Variants in PACRG observed in about 807,000 individuals in gnomAD.
PACRG encodes parkin coregulated gene protein.
In PACRG, 29 loss-of-function variants were observed where a neutral mutation model predicts 29.7. That is an observed-to-expected ratio of 0.98 (90% confidence interval 0.73 to 1.33). PACRG has a LOEUF of 1.33. PACRG is among the 40% of genes most tolerant of loss of function. The pLI is 0.00. For synonymous variants in PACRG, 116 were observed against 118.7 expected (o/e 0.98, Z 0.15); for missense variants, 279 against 316.2 (o/e 0.88, Z 0.89).
intron 2 of PACRG, among the ~76,000 whole-genome samples, chr6:162,851,848 CA>C (rs1200572958): frequency 6.6e-6 from 1 of 151,602 alleles, no homozygotes; most frequent in East Asian, 1.9e-4. Context: ...ACATAGACAC[CA>C]CTTTGAAATG....
intron 2 of PACRG, among the ~76,000 whole-genome samples, chr6:163,033,506 A>G (rs1807860938): frequency 6.6e-6 from 1 of 152,202 alleles, no homozygotes; most frequent in South Asian, 2.1e-4. Context: ...AATCTTTAAA[A>G]CTCTATTTCC....
intron 4 of PACRG, among the ~76,000 whole-genome samples, chr6:163,294,274 A>T (rs1784713652): frequency 6.6e-6 from 1 of 152,178 alleles, no homozygotes; most frequent in Admixed American, 6.5e-5. Flanking sequence ...AATTGCAGGG[A>T]AGTAAAACAA....
chr6:163,218,771 C>T (rs568014985), intron 4 of PACRG, among the ~76,000 whole-genome samples: 1 of 152,332 alleles, frequency 6.6e-6, no homozygotes, highest in Non-Finnish European at 1.5e-5. Flanking sequence ...AGGGGCAGGG[C>T]TCGGGCTACC....
In PACRG at chr6:163,202,595, A is replaced by G. The variant is rs999296332; in HGVS notation, c.614-112232A>G. 5.9e-5 allele frequency among the ~76,000 whole-genome samples: 9 copies of G among 152,316 alleles called. No individual in the cohort carries two copies. The South Asian group carries it at 1.4e-3, about 25-fold the overall frequency. ...AATATTCAGGATTCTCTGTTCTCAG[A>G]GTTCAAAGAGAAGTAGTTGTAACGA... On this transcript the variant is annotated intron_variant, in intron 4 of 4. Coordinates refer to ENST00000366888, the MANE Select transcript of PACRG (RefSeq NM_001080379.2).
At position 162,770,953 on chromosome 6, in the gene PACRG, G is replaced by T. The variant is rs181173184; in HGVS notation, c.156+42562G>T. On this transcript the variant is annotated intron_variant, in intron 1 of 4. Transcript: ENST00000366888. ...TTTGTTGTCACGGTTTTATATAAGG[G>T]ATTTTTTTTAGTTCTAGGGGACAAT... 2.8e-4 allele frequency among the ~76,000 whole-genome samples: 42 copies of T among 152,084 alleles called. No homozygotes were observed. The East Asian group carries it at 7.9e-3, about 29-fold the overall frequency.
At chr6:163,300,125 C>T (rs910800827) in intron 4 of PACRG, among the ~76,000 whole-genome samples, 10 of 152,210 alleles carry the variant, frequency 6.6e-5, no homozygotes, top group Admixed American at 2.0e-4. Flanking sequence ...GCCCTTTACC[C>T]AGGTCTCCAT....
intron 2 of PACRG, among the ~76,000 whole-genome samples, chr6:162,911,962 C>T (rs1162917341): frequency 3.3e-5 from 5 of 152,162 alleles, no homozygotes; most frequent in Non-Finnish European, 5.9e-5. Context: ...TTCCTCTTTC[C>T]AGTCTCTCCT....
In PACRG at chr6:162,853,231, G is replaced by A. The variant is rs1203142930; in HGVS notation, c.291+38950G>A. 6.6e-6 allele frequency among the ~76,000 whole-genome samples: 1 copy of A among 152,218 alleles called. No individual in the cohort carries two copies. The highest frequency in any genetic ancestry group is 1.9e-4 in the East Asian group (1 of 5,186). On this transcript the variant is annotated intron_variant, in intron 2 of 4. Coordinates refer to ENST00000366888, the MANE Select transcript of PACRG (RefSeq NM_001080379.2). This position sits in a 1 kb window ranked among gnomAD's most constrained non-coding sequence, Gnocchi z 4.7. ...ACTCCTTAAAATTATTTGCATTTGG[G>A]TGCTCCTTGGAAAGCCTTTGTATGC...
intron 4 of PACRG, among the ~76,000 whole-genome samples, chr6:163,180,976 A>C (rs964266000): frequency 1.3e-4 from 20 of 152,192 alleles, no homozygotes; most frequent in African/African-American, 4.8e-4. Flanking sequence ...AGTCACTCAG[A>C]TTGCAAATGA....
chr6:163,140,219 C>T (rs1305611341), intron 4 of PACRG, among the ~76,000 whole-genome samples: 1 of 152,198 alleles, frequency 6.6e-6, no homozygotes, highest in African/African-American at 2.4e-5. Context: ...GAAGTCAGAC[C>T]TGGGCTCAGA....
At chr6:162,888,772 T>G (rs1794547981) in intron 2 of PACRG, among the ~76,000 whole-genome samples, 1 of 152,120 alleles carries the variant, frequency 6.6e-6, no homozygotes, top group South Asian at 2.1e-4. Context: ...AACCTTCCTC[T>G]TTGGAAAACC....
chr6:163,077,768 T>C (rs1403853071), intron 3 of PACRG, among the ~76,000 whole-genome samples: 2 of 152,220 alleles, frequency 1.3e-5, no homozygotes, highest in Admixed American at 6.5e-5. Context: ...TTATTTTGGT[T>C]ACCAGATACA....
At chr6:163,061,635 A>C (rs1218374620) in intron 2 of PACRG, among the ~76,000 whole-genome samples, 1 of 152,156 alleles carries the variant, frequency 6.6e-6, no homozygotes, top group Non-Finnish European at 1.5e-5. Context: ...TCCAGTGAAC[A>C]AGCCAGGAAT....
At chr6:162,943,797 C>T (rs1798804402) in intron 2 of PACRG, among the ~76,000 whole-genome samples, 2 of 152,212 alleles carry the variant, frequency 1.3e-5, no homozygotes, top group Non-Finnish European at 1.5e-5. Flanking sequence ...ACAGCTGGCA[C>T]CCACCTACAT....
chr6:163,091,798 T>G (rs1407846789), intron 4 of PACRG, among the ~76,000 whole-genome samples: 1 of 152,254 alleles, frequency 6.6e-6, no homozygotes, highest in Admixed American at 6.5e-5. Context: ...GATTTAGCTT[T>G]AATAACATTT....
At position 163,055,643 on chromosome 6, in the gene PACRG, A is replaced by G. The variant is rs143342328; in HGVS notation, c.292-6507A>G. On this transcript the variant is annotated intron_variant, in intron 2 of 4. Transcript: ENST00000366888. This position sits in a 1 kb window ranked among gnomAD's most constrained non-coding sequence, Gnocchi z 4.0. ...ATTGTTATTCTATTATTTTGTTGTTATTTGTTTTTTATTGTTTTATTTTTT... is the reference window on the plus strand; with the variant it reads ...ATTGTTATTCTATTATTTTGTTGTTGTTTGTTTTTTATTGTTTTATTTTTT... Among the ~76,000 whole-genome samples, 139 of 152,202 alleles carry G rather than the reference A, an allele frequency of 9.1e-4. 2 individuals are homozygous for G. In the East Asian group the frequency reaches 0.013, roughly 14 times the overall value.
intron 2 of PACRG, among the ~76,000 whole-genome samples, chr6:163,061,685 G>A (rs1037511317): frequency 6.6e-6 from 1 of 152,110 alleles, no homozygotes; most frequent in African/African-American, 2.4e-5. Flanking sequence ...CCCAAAGAAG[G>A]CATATGCCTC....
At chr6:162,812,401 C>A (rs1420153409) in intron 1 of PACRG, among the ~76,000 whole-genome samples, 3 of 151,998 alleles carry the variant, frequency 2.0e-5, no homozygotes, top group African/African-American at 7.2e-5. Context: ...TACATATTTG[C>A]ACTATACACT....
intron 4 of PACRG, among the ~76,000 whole-genome samples, chr6:163,295,617 A>G (rs1450988692): frequency 6.6e-6 from 1 of 152,238 alleles, no homozygotes; most frequent in African/African-American, 2.4e-5. Flanking sequence ...GGTGCTGTCT[A>G]TAAATTAGTT....
Sources: gnomAD v4.1 joint callset for allele counts (sites outside exome capture counted in the v4.1 genomes callset) on GRCh38, gnomAD v4.1.1 for gene constraint, Gnocchi (gnomAD v3.1) non-coding constraint, MANE v1.5 for transcripts, NCBI Gene and HGNC (gene_info 2026-07-23, HGNC 2026-07-21) for gene names.